Variants in ATXN7L1 observed in about 807,000 individuals in gnomAD.
The protein encoded by ATXN7L1 is ataxin-7-like protein 1.
A neutral mutation model predicts 70.8 loss-of-function variants in ATXN7L1; 15 were observed. The observed-to-expected ratio is 0.21, with a 90% CI of 0.14 to 0.33. ATXN7L1 has a LOEUF of 0.33. Ranked by LOEUF, ATXN7L1 falls within the 10% of genes least tolerant of loss-of-function variation. ATXN7L1 has a pLI of 1.00. For synonymous variants in ATXN7L1, 440 were observed against 445.1 expected, an observed-to-expected ratio of 0.99 and a Z score of 0.14; for missense variants, 975 against 1,097.1, an observed-to-expected ratio of 0.89 and a Z score of 1.57.
chr7:105,760,094 C>G (rs1800350199), intron 3 of ATXN7L1: 1 of 725,262 alleles, frequency 1.4e-6, no homozygotes, highest in Admixed American at 6.3e-5. Flanking sequence ...TCTCCTTTTT[C>G]TGGCTTCCAT....
intron 2 of ATXN7L1, among the ~76,000 whole-genome samples, chr7:105,854,310 G>T (rs754748910): frequency 2.0e-5 from 3 of 151,994 alleles, no homozygotes; most frequent in African/African-American, 7.3e-5. Flanking sequence ...CTCTCCTCCC[G>T]CTAGTGGCCA....
At chr7:105,756,188 A>G (rs1249457620) in intron 3 of ATXN7L1, among the ~76,000 whole-genome samples, 1 of 151,816 alleles carries the variant, frequency 6.6e-6, no homozygotes, top group Non-Finnish European at 1.5e-5. Context: ...CACTGTCTGG[A>G]TTTTGCCCTT....
At chr7:105,729,915 T>C (rs1026335731) in intron 3 of ATXN7L1, among the ~76,000 whole-genome samples, 3 of 151,986 alleles carry the variant, frequency 2.0e-5, no homozygotes, top group Non-Finnish European at 2.9e-5. Context: ...TTTTTTGTAT[T>C]TTTAGTAGAG....
chr7:105,719,447 T>C (rs555810), intron 3 of ATXN7L1, among the ~76,000 whole-genome samples: 114,889 of 152,118 alleles, frequency 0.76, 44,772 homozygotes, highest in East Asian at 1. Flanking sequence ...AAATTTCCTA[T>C]TTGGGGCTTT....
In ATXN7L1 at chr7:105,702,147, C is replaced by T. The variant is rs537108185; in HGVS notation, c.356-36859G>A. On this transcript the variant is annotated intron_variant, in intron 3 of 11. Transcript: ENST00000419735. ...GAATGATCCCTAACTCTTGCTAGTGCTTTTCTCTTTACAAAGTTCATTTGC... is the reference window on the plus strand; with the variant it reads ...GAATGATCCCTAACTCTTGCTAGTGTTTTTCTCTTTACAAAGTTCATTTGC... Among the ~76,000 whole-genome samples the T allele has an allele frequency of 3.3e-5, 5 of 152,306 alleles. No homozygotes were observed. The East Asian group carries it at 9.6e-4, about 29-fold the overall frequency.
chr7:105,761,415 G>A (rs1483064034), intron 3 of ATXN7L1: 2 of 1,613,948 alleles, frequency 1.2e-6, no homozygotes, highest in African/African-American at 2.7e-5. Flanking sequence ...GCTGCTCTCT[G>A]GTCCACTCCT....
chr7:105,628,421 G>T (rs943837102), intron 7 of ATXN7L1, among the ~76,000 whole-genome samples: 68 of 152,214 alleles, frequency 4.5e-4, no homozygotes, highest in African/African-American at 1.5e-3. Context: ...AGTTATTAAA[G>T]AACTTCCTAT....
At chr7:105,671,104 C>CAAAAAAAAAAAAAAAA (rs71155469) in intron 3 of ATXN7L1, among the ~76,000 whole-genome samples, 5 of 89,704 alleles carry the variant, frequency 5.6e-5, no homozygotes, top group Admixed American at 1.3e-4. Flanking sequence ...GACTACGTCT[C>CAAAAAAAAAAAAAAAA]AAAAAAAAAA....
chr7:105,774,018 T>C (rs1174548047), intron 3 of ATXN7L1, among the ~76,000 whole-genome samples: 1 of 152,152 alleles, frequency 6.6e-6, no homozygotes, highest in Non-Finnish European at 1.5e-5. Flanking sequence ...CCTCTTCCTC[T>C]GGCCACCCCA....
At chr7:105,619,039 A>G (rs1213660281) in intron 9 of ATXN7L1, among the ~76,000 whole-genome samples, 1 of 151,468 alleles carries the variant, frequency 6.6e-6, no homozygotes, top group African/African-American at 2.4e-5. Flanking sequence ...ACTTCACAGC[A>G]TTGCTCAGGA....
At chr7:105,870,380 A>C (rs1818078136) in intron 2 of ATXN7L1, among the ~76,000 whole-genome samples, 1 of 152,298 alleles carries the variant, frequency 6.6e-6, no homozygotes, top group South Asian at 2.1e-4. Context: ...CTAAAAATAA[A>C]GTTTCTGCTA....
chr7:105,835,248 G>A (rs1006682981), intron 2 of ATXN7L1, among the ~76,000 whole-genome samples: 2 of 141,118 alleles, frequency 1.4e-5, no homozygotes, highest in African/African-American at 5.3e-5. Flanking sequence ...TCTGCATCCC[G>A]GGCTCAGGTG....
chr7:105,779,478 T>C (rs1803229922), intron 3 of ATXN7L1, among the ~76,000 whole-genome samples: 1 of 152,204 alleles, frequency 6.6e-6, no homozygotes, highest in Admixed American at 6.5e-5. Context: ...ATGGTCCTAC[T>C]TAGTCGTAGA....
At chr7:105,740,787 T>TTTTTTTTTTTTTTTTTTTTTTTTTTG in intron 3 of ATXN7L1, among the ~76,000 whole-genome samples, 1 of 79,284 alleles carries the variant, frequency 1.3e-5, no homozygotes, top group East Asian at 5.7e-4. Context: ...TTTTTTTTAA[T>TTTTTTTTTTTTTTTTTTTTTTTTTTG]GGAGTCTCAC....
At chr7:105,790,773 G>T (rs1192628883) in intron 2 of ATXN7L1, among the ~76,000 whole-genome samples, 2 of 151,710 alleles carry the variant, frequency 1.3e-5, no homozygotes, top group African/African-American at 4.9e-5. Flanking sequence ...GTGCACCATC[G>T]GGTGGAGACA....
At chr7:105,620,368 A>G (rs1794741672) in intron 8 of ATXN7L1, 47 bp from the exon 9 acceptor site, 5 of 1,484,472 alleles carry the variant, frequency 3.4e-6, no homozygotes, top group Non-Finnish European at 4.5e-6. Context: ...TTAATAAGCT[A>G]ATATAAACTA....
At chr7:105,672,023 C>T (rs985925866) in intron 3 of ATXN7L1, among the ~76,000 whole-genome samples, 1 of 151,504 alleles carries the variant, frequency 6.6e-6, no homozygotes, top group Non-Finnish European at 1.5e-5. Flanking sequence ...CGTGGTGGCT[C>T]ACGCTTGTAA....
intron 4 of ATXN7L1, among the ~76,000 whole-genome samples, chr7:105,645,212 T>C (rs1245518476): frequency 1.3e-5 from 2 of 152,116 alleles, no homozygotes; most frequent in Admixed American, 6.6e-5. Context: ...TACTTAATAC[T>C]ACTGAAATGT....
At chr7:105,785,236 T>C (rs1584999029) in intron 3 of ATXN7L1, among the ~76,000 whole-genome samples, 1 of 152,156 alleles carries the variant, frequency 6.6e-6, no homozygotes, top group African/African-American at 2.4e-5. Flanking sequence ...GAGGCCAAGG[T>C]AGGCAGATCA....
Sources: gnomAD v4.1 joint callset for allele counts (sites outside exome capture counted in the v4.1 genomes callset) on GRCh38, gnomAD v4.1.1 for gene constraint, MANE v1.5 for transcripts, NCBI Gene and HGNC (gene_info 2026-07-23, HGNC 2026-07-21) for gene names.